The following HELZ variants were observed in gnomAD, a reference collection of about 807,000 sequenced individuals.
HELZ encodes ATP-dependent RNA helicase with zinc finger domain.
In HELZ, 23 loss-of-function variants were observed where a neutral mutation model predicts 218.2. That is an observed-to-expected ratio of 0.11 (90% confidence interval 0.08 to 0.15). The LOEUF (loss-of-function observed/expected upper bound fraction) is 0.15, where lower values mean the gene tolerates loss of function less well. Among genes scored for constraint, HELZ ranks in the 10% least tolerant of loss-of-function variants. The pLI is 1.00. For synonymous variants in HELZ, 814 were observed against 829.4 expected (o/e 0.98, Z 0.32); for missense variants, 1,813 against 2,353.7 (o/e 0.77, Z 4.75).
intron 4 of HELZ, among the ~76,000 whole-genome samples, chr17:67,216,246 CAT>C (rs1345242011): frequency 1.3e-5 from 2 of 152,158 alleles, no homozygotes; most frequent in Admixed American, 6.5e-5. Context: ...AGAGAATTTT[CAT>C]AGACTGTCAC....
intron 7 of HELZ, 95 bp from the exon 8 acceptor site, chr17:67,195,565 T>G: frequency 1.4e-6 from 1 of 719,526 alleles, no homozygotes; most frequent in Non-Finnish European, 2.5e-6. Flanking sequence ...AAGGTGAAGT[T>G]GGAATACTCA....
At chr17:67,186,421 C>A (rs1453280765) in intron 12 of HELZ, among the ~76,000 whole-genome samples, 1 of 152,092 alleles carries the variant, frequency 6.6e-6, no homozygotes, top group Non-Finnish European at 1.5e-5. Flanking sequence ...AGTCGAAAAT[C>A]AGGATTCAAA....
At chr17:67,145,149 C>T (rs909905071) in intron 21 of HELZ, among the ~76,000 whole-genome samples, 5 of 152,284 alleles carry the variant, frequency 3.3e-5, no homozygotes, top group African/African-American at 1.2e-4. Flanking sequence ...AACTCAACTC[C>T]CTCCTGACGG....
At chr17:67,180,739 G>A (rs1012528771) in intron 12 of HELZ, among the ~76,000 whole-genome samples, 2 of 152,048 alleles carry the variant, frequency 1.3e-5, no homozygotes, top group African/African-American at 2.4e-5. Flanking sequence ...TTAGCTGGGC[G>A]TGGTGGCGGG....
At chr17:67,120,191 A>G (rs2037563010) in intron 27 of HELZ, among the ~76,000 whole-genome samples, 1 of 151,016 alleles carries the variant, frequency 6.6e-6, no homozygotes. Flanking sequence ...TTTTTAGTAG[A>G]GATGGGATTT....
Position 67,236,932 on chromosome 17 carries a change from A to T in HELZ, c.-19+2501T>A, listed in dbSNP as rs1458728247. On this transcript the variant is annotated intron_variant, in intron 3 of 32. Coordinates refer to ENST00000358691, the MANE Select transcript of HELZ (RefSeq NM_014877.4). ...ATACTCTCCTTGGTCATGATGACCTATACTAACCCAAACCCCAGTTTTTCA... is the reference window on the plus strand; with the variant it reads ...ATACTCTCCTTGGTCATGATGACCTTTACTAACCCAAACCCCAGTTTTTCA... Among the ~76,000 whole-genome samples, 11 of 152,266 alleles carry T rather than the reference A, an allele frequency of 7.2e-5. No individual in the cohort carries two copies. In the East Asian group the frequency reaches 2.1e-3, roughly 29 times the overall value.
In HELZ at chr17:67,129,312, G is replaced by A. The variant is rs1186598724; in HGVS notation, c.3183-457C>T. ...ACATAATTCTAATTTATATACATAC[G>A]CATATATACATATACACGCATGTAT... On this transcript the variant is annotated intron_variant, in intron 23 of 32. Transcript: ENST00000358691. Among the ~76,000 whole-genome samples, 5 of 151,152 alleles carry A rather than the reference G, an allele frequency of 3.3e-5. No individual in the cohort carries two copies. In the East Asian group the frequency reaches 7.8e-4, roughly 24 times the overall value.
chr17:67,153,957 A>C (rs1478557389), intron 17 of HELZ, among the ~76,000 whole-genome samples: 5 of 152,254 alleles, frequency 3.3e-5, no homozygotes, highest in Non-Finnish European at 7.3e-5. Flanking sequence ...GCATGCCTTC[A>C]GTTAGTCTAA....
intron 27 of HELZ, among the ~76,000 whole-genome samples, chr17:67,118,214 C>T (rs1418828990): frequency 2.0e-5 from 3 of 152,152 alleles, no homozygotes; most frequent in Non-Finnish European, 4.4e-5. Flanking sequence ...CATATAGGAT[C>T]AACTGATTTT....
intron 5 of HELZ, among the ~76,000 whole-genome samples, chr17:67,209,323 C>T (rs374213278): frequency 3.9e-5 from 6 of 152,116 alleles, no homozygotes; most frequent in African/African-American, 1.2e-4. Flanking sequence ...GTAGGCCGGA[C>T]GCGGTGGCTC....
intron 31 of HELZ, among the ~76,000 whole-genome samples, chr17:67,105,996 T>G (rs1192997855): frequency 6.6e-6 from 1 of 152,224 alleles, no homozygotes; most frequent in Non-Finnish European, 1.5e-5. Flanking sequence ...TGTGAATCAA[T>G]TATTTCTAAT....
Position 67,211,519 on chromosome 17 carries a change from A to G in HELZ, c.247+4380T>C, listed in dbSNP as rs182505100. On this transcript the variant is annotated intron_variant, in intron 5 of 32. Coordinates refer to ENST00000358691, the MANE Select transcript of HELZ (RefSeq NM_014877.4). ...AGTTTTGAGAATATGAATGTTTATT[A>G]TATCATTTACTCTACTTTCCTGTGT... Among the ~76,000 whole-genome samples the G allele has an allele frequency of 1.7e-3, 264 of 152,286 alleles. 1 individual carries two copies. The highest frequency in any genetic ancestry group is 2.2e-3 in the Non-Finnish European group (148 of 68,022).
At position 67,184,285 on chromosome 17, in the gene HELZ, T is replaced by A. The variant is rs529757389; in HGVS notation, c.1162+4034A>T. On this transcript the variant is annotated intron_variant, in intron 12 of 32. Transcript: ENST00000358691. Reference sequence around the variant, plus strand: ...CTGCATTTCTAAACTTATTTGTACATGGCATTCTACACCTTCGGTGTTATT... The same window carrying A: ...CTGCATTTCTAAACTTATTTGTACAAGGCATTCTACACCTTCGGTGTTATT... Among the ~76,000 whole-genome samples the A allele has an allele frequency of 2.6e-4, 40 of 152,364 alleles. No homozygotes were observed. In the South Asian group the frequency reaches 7.5e-3, roughly 28 times the overall value.
intron 3 of HELZ, among the ~76,000 whole-genome samples, chr17:67,238,673 C>T (rs975991489): frequency 5.9e-5 from 9 of 152,026 alleles, no homozygotes; most frequent in Non-Finnish European, 1.2e-4. Flanking sequence ...GTGACAAAAG[C>T]GAAACTCCGT....
At chr17:67,101,731 G>A (rs1428245313) in intron 31 of HELZ, among the ~76,000 whole-genome samples, 1 of 152,130 alleles carries the variant, frequency 6.6e-6, no homozygotes, top group Non-Finnish European at 1.5e-5. Flanking sequence ...ACCCCTCGGA[G>A]CAAGTATGAT....
intron 6 of HELZ, among the ~76,000 whole-genome samples, chr17:67,202,688 A>G (rs971130086): frequency 3.3e-5 from 5 of 152,214 alleles, no homozygotes; most frequent in Admixed American, 1.3e-4. Flanking sequence ...CTATGAGATC[A>G]TATGTCCACA....
At chr17:67,116,210 TAA>T (rs911632199) in intron 27 of HELZ, among the ~76,000 whole-genome samples, 2 of 144,452 alleles carry the variant, frequency 1.4e-5, no homozygotes, top group African/African-American at 2.5e-5. Context: ...AAGGAGTCAT[TAA>T]AAAAAAAAAT....
At chr17:67,185,381 AT>A (rs2039726631) in intron 12 of HELZ, among the ~76,000 whole-genome samples, 1 of 152,204 alleles carries the variant, frequency 6.6e-6, no homozygotes, top group South Asian at 2.1e-4. Flanking sequence ...TTCTGCTTTT[AT>A]TTCTTTACAA....
At position 67,173,036 on chromosome 17, in the gene HELZ, T is replaced by C. The variant is rs190899606; in HGVS notation, c.1431-5240A>G. ...GCAACAAGAGAATCCTCTTGTGACA[T>C]TGGTTGTGTCTTGCAACAAAATTCT... On this transcript the variant is annotated intron_variant, in intron 13 of 32. Transcript: ENST00000358691. 567 of 982,416 alleles carry C rather than the reference T, an allele frequency of 5.8e-4. 1 individual carries two copies. Among genetic ancestry groups the C allele is most frequent in the African/African-American group, 7.7e-4 (44 of 57,284 alleles). 60.9% of individuals were successfully genotyped at this position (982,416 alleles called of 1,614,324 possible). A position where few individuals can be genotyped will look rare whatever the true frequency, so the allele number is the denominator to read the frequency against.
Sources: gnomAD v4.1 joint callset for allele counts (sites outside exome capture counted in the v4.1 genomes callset) on GRCh38, gnomAD v4.1.1 for gene constraint, MANE v1.5 for transcripts, NCBI Gene and HGNC (gene_info 2026-07-23, HGNC 2026-07-21) for gene names.